Variants in SLC16A10 observed in about 807,000 individuals in gnomAD.
SLC16A10 encodes the protein solute carrier family 16 member 10.
In SLC16A10, 27 loss-of-function variants were observed where a neutral mutation model predicts 40.0. The ratio of observed to expected loss-of-function variants is 0.67; its 90% confidence interval spans 0.50 to 0.93. The LOEUF (loss-of-function observed/expected upper bound fraction) is 0.93. SLC16A10 is among the 40% of genes least tolerant of loss of function. The pLI is 0.00. For missense variants in SLC16A10, 529 were observed against 658.2 expected (o/e 0.80, Z 2.15); for synonymous variants, 213 against 249.8 (o/e 0.85, Z 1.39).
chr6:111,193,914 A>C (rs1773037492), intron 3 of SLC16A10, among the ~76,000 whole-genome samples: 1 of 152,196 alleles, frequency 6.6e-6, no homozygotes, highest in Non-Finnish European at 1.5e-5. Flanking sequence ...AAAACTGTGG[A>C]TTTATCTACA....
At chr6:111,163,221 C>T (rs913644115) in intron 1 of SLC16A10, among the ~76,000 whole-genome samples, 6 of 138,420 alleles carry the variant, frequency 4.3e-5, no homozygotes, top group Admixed American at 2.3e-4. Context: ...GGCGGGATCT[C>T]GGCTCACTGC....
intron 1 of SLC16A10, among the ~76,000 whole-genome samples, chr6:111,134,008 A>C (rs1464316558): frequency 6.6e-6 from 1 of 152,238 alleles, no homozygotes; most frequent in African/African-American, 2.4e-5. Flanking sequence ...ATATAATATT[A>C]CTGCTAAATC....
intron 1 of SLC16A10, among the ~76,000 whole-genome samples, chr6:111,104,493 A>G (rs1182537694): frequency 6.6e-6 from 1 of 152,204 alleles, no homozygotes; most frequent in East Asian, 1.9e-4. Flanking sequence ...GGAGACCTAC[A>G]ATACATTTTG....
At chr6:111,115,936 A>G (rs987040593) in intron 1 of SLC16A10, among the ~76,000 whole-genome samples, 10 of 152,118 alleles carry the variant, frequency 6.6e-5, no homozygotes, top group African/African-American at 2.4e-4. Flanking sequence ...GTTTTATCAT[A>G]CTACTTGTAG....
intron 3 of SLC16A10, among the ~76,000 whole-genome samples, chr6:111,189,912 A>T (rs948268482): frequency 5.3e-5 from 8 of 152,122 alleles, no homozygotes; most frequent in Admixed American, 3.3e-4. Context: ...GCTCCTCCCA[A>T]ATTTCATGTC....
intron 1 of SLC16A10, among the ~76,000 whole-genome samples, chr6:111,141,344 T>C (rs147077021): frequency 1.3e-5 from 2 of 152,202 alleles, no homozygotes; most frequent in East Asian, 1.9e-4. Context: ...TAGGAACCAG[T>C]ATAAACAAGT....
Position 111,088,025 on chromosome 6 carries a change from C to T in SLC16A10, c.273C>T (p.Cys91=). 1 of 1,609,362 alleles carries T rather than the reference C, an allele frequency of 6.2e-7. No individual in the cohort carries two copies. Among genetic ancestry groups the T allele is most frequent in the Non-Finnish European group, 8.5e-7 (1 of 1,177,966 alleles). Residue 91 remains cysteine (C), a synonymous_variant, in exon 1 of 6, where the codon TGC becomes TGT. Coordinates refer to ENST00000368851, the MANE Select transcript of SLC16A10 (RefSeq NM_018593.5). The stretch of plus-strand genomic sequence containing the variant: ...CGGTGTTCGGCATCCAGAACGCTTG[C>T]GGGGTGCTCTTCGTGTCCATGCTGG... ...NGSVFGIQNA[C]GVLFVSMLET...
chr6:111,192,269 C>T (rs1773007259), intron 3 of SLC16A10, among the ~76,000 whole-genome samples: 1 of 152,138 alleles, frequency 6.6e-6, no homozygotes, highest in African/African-American at 2.4e-5. Context: ...CAAAGTTCCA[C>T]AGATCTCTAG....
intron 4 of SLC16A10, among the ~76,000 whole-genome samples, chr6:111,206,974 G>A (rs899045618): frequency 3.3e-5 from 5 of 152,158 alleles, no homozygotes; most frequent in African/African-American, 9.7e-5. Flanking sequence ...GATTACAGGC[G>A]TGTGCCACCA....
intron 1 of SLC16A10, among the ~76,000 whole-genome samples, chr6:111,147,952 T>G (rs1296729217): frequency 1.3e-5 from 2 of 152,208 alleles, no homozygotes; most frequent in Non-Finnish European, 2.9e-5. Flanking sequence ...GTGTTGCTGA[T>G]CACATCACAC....
At chr6:111,120,269 G>A (rs1461241990) in intron 1 of SLC16A10, among the ~76,000 whole-genome samples, 1 of 152,178 alleles carries the variant, frequency 6.6e-6, no homozygotes, top group Non-Finnish European at 1.5e-5. Context: ...ACTTATTGGA[G>A]TTGATAAATG....
chr6:111,087,850 C>T lies in SLC16A10; in HGVS notation c.98C>T (p.Pro33Leu). ...APTGAAPPPGPGPSDSPEAAV... is the reference protein window; with the variant it reads ...APTGAAPPPGLGPSDSPEAAV... Reference sequence around the variant, plus strand: ...ACGGGGGCCGCTCCGCCGCCCGGCCCGGGACCCTCGGACAGCCCCGAGGCG... The same window carrying T: ...ACGGGGGCCGCTCCGCCGCCCGGCCTGGGACCCTCGGACAGCCCCGAGGCG... The change falls in exon 1 of 6, where the codon CCG (proline) becomes CTG (leucine). Residue 33 changes from proline (P) to leucine (L), a missense_variant. Coordinates refer to ENST00000368851, the MANE Select transcript of SLC16A10 (RefSeq NM_018593.5). 2.1e-6 allele frequency: 3 copies of T among 1,421,376 alleles called. No homozygotes were observed. Among genetic ancestry groups the T allele is most frequent in the African/African-American group, 1.5e-5 (1 of 65,754 alleles). The allele number at this position is 1,421,376 out of a possible 1,614,324, so 88.0% of individuals were successfully genotyped here. A position where few individuals can be genotyped will look rare whatever the true frequency, so the allele number is the denominator to read the frequency against.
chr6:111,128,239 G>C (rs1342496261), intron 1 of SLC16A10, among the ~76,000 whole-genome samples: 3 of 152,196 alleles, frequency 2.0e-5, no homozygotes, highest in African/African-American at 7.2e-5. Context: ...CTTACGAAGA[G>C]CCAGTTCCAA....
At chr6:111,216,744 A>T (rs1773429245) in intron 4 of SLC16A10, among the ~76,000 whole-genome samples, 1 of 152,074 alleles carries the variant, frequency 6.6e-6, no homozygotes, top group Admixed American at 6.5e-5. Context: ...ACGAATCATA[A>T]TTTTACCATA....
At chr6:111,149,566 T>C (rs903713492) in intron 1 of SLC16A10, among the ~76,000 whole-genome samples, 4 of 152,240 alleles carry the variant, frequency 2.6e-5, no homozygotes, top group African/African-American at 7.2e-5. Context: ...TTTATATGCA[T>C]ACAGTATAAA....
chr6:111,210,116 A>C (rs943845400), intron 4 of SLC16A10, among the ~76,000 whole-genome samples: 1 of 152,210 alleles, frequency 6.6e-6, no homozygotes, highest in Non-Finnish European at 1.5e-5. Flanking sequence ...AATAACAGTC[A>C]ACCATTTATT....
chr6:111,182,749 C>T (rs771560861), intron 3 of SLC16A10, among the ~76,000 whole-genome samples: 1 of 152,186 alleles, frequency 6.6e-6, no homozygotes, highest in Non-Finnish European at 1.5e-5. Flanking sequence ...ATCCTCATCT[C>T]AGGAGCTGGC....
rs1224844595 is a variant in SLC16A10 at position 111,223,366 on chromosome 6, C to T, written c.*1131C>T. On this transcript the variant is annotated 3_prime_UTR_variant, in exon 6 of 6. Transcript: ENST00000368851. ...ATTGTTTTTTTTTGCTATTTATATA[C>T]AGATTATCATAAGAAAGCTCTCAGT... 1 of 151,900 alleles carries T rather than the reference C, an allele frequency of 6.6e-6. No homozygotes were observed. Among genetic ancestry groups the T allele is most frequent in the African/African-American group, 2.4e-5 (1 of 41,318 alleles). 9.4% of individuals were successfully genotyped at this position (151,900 alleles called of 1,614,324 possible).
intron 1 of SLC16A10, among the ~76,000 whole-genome samples, chr6:111,159,067 CAAAAAAAAAAAAAAA>C (rs548809670): frequency 4.3e-5 from 1 of 23,394 alleles, no homozygotes; most frequent in African/African-American, 1.5e-4. Context: ...GACCCTGACT[CAAAAAAAAAAAAAAA>C]AAAAAAAAAA....
Sources: gnomAD v4.1 joint callset for allele counts (sites outside exome capture counted in the v4.1 genomes callset) on GRCh38, gnomAD v4.1.1 for gene constraint, MANE v1.5 for transcripts, NCBI Gene and HGNC (gene_info 2026-07-23, HGNC 2026-07-21) for gene names.